ATRNL1: variants seen among roughly 807,000 people sequenced by gnomAD.
The protein encoded by ATRNL1 is attractin like 1.
In ATRNL1, 95 loss-of-function variants were observed where a neutral mutation model predicts 182.7. The ratio of observed to expected loss-of-function variants is 0.52; its 90% CI spans 0.44 to 0.62. The LOEUF is 0.62. Among genes scored for constraint, ATRNL1 ranks in the 20% least tolerant of loss-of-function variants. ATRNL1 has a pLI of 0.00. For missense variants in ATRNL1, 1,471 were observed against 1,679.5 expected (o/e 0.88, Z 2.17); for synonymous variants, 576 against 568.3 (o/e 1.01, Z -0.19).
intron 9 of ATRNL1, among the ~76,000 whole-genome samples, chr10:115,235,484 A>C (rs1053098900): frequency 5.3e-5 from 8 of 151,946 alleles, no homozygotes; most frequent in African/African-American, 1.9e-4. Context: ...TTGTACAAAC[A>C]TGGCCTCCTG....
chr10:115,791,373 A>T (rs1178048098), intron 27 of ATRNL1, among the ~76,000 whole-genome samples: 4 of 152,186 alleles, frequency 2.6e-5, no homozygotes, highest in Non-Finnish European at 5.9e-5. Context: ...CAAAATACAT[A>T]TGCACAGTTT....
chr10:115,576,651 T>C (rs963162188), intron 26 of ATRNL1, among the ~76,000 whole-genome samples: 3 of 152,060 alleles, frequency 2.0e-5, no homozygotes, highest in African/African-American at 7.2e-5. Flanking sequence ...TACACGTACA[T>C]GGTTTGCAAA....
rs782127757 is a variant in ATRNL1, at chr10:115,302,013, T to C, written c.2788T>C (p.Cys930Arg). ...AYIISFPYGQ[C>R]LEWQTATCSP... ...TATCATCTCTTTTCCATATGGACAA[T>C]GTCTAGAGTGGCAAACTGCCACCTG... is the stretch of plus-strand genomic sequence containing the variant. The change falls in exon 17 of 29, where the codon TGT (cysteine) becomes CGT (arginine). Residue 930 changes from cysteine (C) to arginine (R), a missense_variant. By Grantham distance (180) the Cys-to-Arg change is radical. Coordinates refer to ENST00000355044, the MANE Select transcript of ATRNL1 (RefSeq NM_207303.4). 1 of 1,613,380 alleles carries C rather than the reference T, an allele frequency of 6.2e-7. No homozygotes were observed. Among genetic ancestry groups the C allele is most frequent in the Non-Finnish European group, 8.5e-7 (1 of 1,179,710 alleles).
intron 26 of ATRNL1, among the ~76,000 whole-genome samples, chr10:115,659,266 A>G (rs1306799535): frequency 1.3e-5 from 2 of 152,126 alleles, no homozygotes; most frequent in Non-Finnish European, 2.9e-5. Context: ...ACCTTTGTAA[A>G]TAATCCTTTT....
At chr10:115,133,543 T>C (rs1471283464) in intron 5 of ATRNL1, among the ~76,000 whole-genome samples, 2 of 152,114 alleles carry the variant, frequency 1.3e-5, no homozygotes, top group African/African-American at 4.8e-5. Context: ...CCCAGATTCA[T>C]AAAGCAAGTC....
chr10:115,185,586 A>G (rs1299186184), intron 8 of ATRNL1, among the ~76,000 whole-genome samples: 1 of 152,112 alleles, frequency 6.6e-6, no homozygotes, highest in Non-Finnish European at 1.5e-5. Flanking sequence ...GCCTCTACAT[A>G]GGATGCAGAC....
At chr10:115,685,525 A>C (rs1946188165) in intron 26 of ATRNL1, among the ~76,000 whole-genome samples, 1 of 151,870 alleles carries the variant, frequency 6.6e-6, no homozygotes, top group African/African-American at 2.4e-5. Context: ...TGAAATCCAA[A>C]ATGTGAGAAT....
At chr10:115,206,403 T>G (rs1401213109) in intron 8 of ATRNL1, among the ~76,000 whole-genome samples, 1 of 152,128 alleles carries the variant, frequency 6.6e-6, no homozygotes, top group Non-Finnish European at 1.5e-5. Flanking sequence ...TTATTTACAA[T>G]ATACATCTTT....
chr10:115,233,102 A>G (rs889557614), intron 9 of ATRNL1, among the ~76,000 whole-genome samples: 4 of 151,900 alleles, frequency 2.6e-5, no homozygotes, highest in Non-Finnish European at 5.9e-5. Flanking sequence ...TGGACTTCAT[A>G]TGGACTTCTC....
At chr10:115,165,969 AT>A (rs1182025512) in intron 7 of ATRNL1, among the ~76,000 whole-genome samples, 1 of 152,146 alleles carries the variant, frequency 6.6e-6, no homozygotes, top group African/African-American at 2.4e-5. Flanking sequence ...GTTCAGTGGC[AT>A]TAAGTACATT....
At chr10:115,894,406 T>C (rs2134471202) in intron 28 of ATRNL1, among the ~76,000 whole-genome samples, 1 of 152,262 alleles carries the variant, frequency 6.6e-6, no homozygotes, top group South Asian at 2.1e-4. Flanking sequence ...AGCTTTGAAA[T>C]TGGCTACATA....
At chr10:115,480,145 G>A (rs1009966521) in intron 24 of ATRNL1, among the ~76,000 whole-genome samples, 1 of 150,816 alleles carries the variant, frequency 6.6e-6, no homozygotes, top group Non-Finnish European at 1.5e-5. Flanking sequence ...GAATCCTAGT[G>A]CTGATGTCTA....
chr10:115,101,519 T>C (rs1554864588), intron 1 of ATRNL1, among the ~76,000 whole-genome samples: 1 of 152,182 alleles, frequency 6.6e-6, no homozygotes, highest in African/African-American at 2.4e-5. Context: ...AATTTTTGAA[T>C]GTTAAACCAA....
chr10:115,842,335 A>G (rs573127188), intron 27 of ATRNL1, among the ~76,000 whole-genome samples: 2 of 152,206 alleles, frequency 1.3e-5, no homozygotes, highest in East Asian at 1.9e-4. Flanking sequence ...TAAAAATTAG[A>G]TGTGCCATTT....
intron 26 of ATRNL1, among the ~76,000 whole-genome samples, chr10:115,681,072 C>T (rs539178999): frequency 7.9e-5 from 12 of 152,208 alleles, no homozygotes; most frequent in Admixed American, 3.3e-4. Flanking sequence ...TCAAAATTTA[C>T]ATTACGTACC....
chr10:115,768,481 T>C (rs1948912402), intron 27 of ATRNL1, among the ~76,000 whole-genome samples: 1 of 152,148 alleles, frequency 6.6e-6, no homozygotes, highest in Non-Finnish European at 1.5e-5. Context: ...TTTGATACCT[T>C]TGAAACCTAA....
intron 21 of ATRNL1, among the ~76,000 whole-genome samples, chr10:115,443,204 A>G (rs1264948304): frequency 6.6e-6 from 1 of 152,022 alleles, no homozygotes; most frequent in African/African-American, 2.4e-5. Flanking sequence ...GTGATTTGAT[A>G]TCATCAAATT....
chr10:115,566,121 G>GAT (rs1267952049), intron 26 of ATRNL1, among the ~76,000 whole-genome samples: 3 of 151,830 alleles, frequency 2.0e-5, no homozygotes, highest in Non-Finnish European at 1.5e-5. Context: ...TATTATTGGA[G>GAT]ATGGTGTCTT....
intron 26 of ATRNL1, among the ~76,000 whole-genome samples, chr10:115,643,152 T>C (rs558449889): frequency 6.6e-6 from 1 of 152,128 alleles, no homozygotes; most frequent in Non-Finnish European, 1.5e-5. Flanking sequence ...CATATATCAA[T>C]AAAACATAAA....
Sources: allele counts gnomAD v4.1 joint callset (sites outside exome capture counted in the v4.1 genomes callset), GRCh38; gene constraint gnomAD v4.1.1; transcripts MANE v1.5; gene names NCBI Gene and HGNC (gene_info 2026-07-23, HGNC 2026-07-21).